RPS6KA6: variants seen among roughly 807,000 people sequenced by gnomAD.
The protein encoded by RPS6KA6 is ribosomal protein S6 kinase alpha-6.
Under a neutral mutation model 65.4 loss-of-function variants are expected in RPS6KA6, and 27 were observed. The observed-to-expected ratio is 0.41, with a 90% CI of 0.30 to 0.57. The LOEUF is 0.57. RPS6KA6 is among the 20% of genes least tolerant of loss of function. The pLI is 0.24. For synonymous variants in RPS6KA6, 190 were observed against 184.2 expected (o/e 1.03, Z -0.26); for missense variants, 486 against 555.6 (o/e 0.87, Z 1.26).
intron 1 of RPS6KA6, chrX:84,186,030 G>T: frequency 7.8e-6 from 4 of 510,016 alleles, no homozygotes; most frequent in Non-Finnish European, 1.4e-5. Context: ...TTTAGAGAAA[G>T]AAGGCAGAAA....
At chrX:84,149,737 A>G (rs1406576606) in intron 3 of RPS6KA6, among the ~76,000 whole-genome samples, 4 of 111,633 alleles carry the variant, frequency 3.6e-5, no homozygotes, top group African/African-American at 1.3e-4. Context: ...TTTATAGAGC[A>G]TAGGCATAGT....
intron 9 of RPS6KA6, among the ~76,000 whole-genome samples, chrX:84,119,184 T>C (rs2034623031): frequency 8.9e-6 from 1 of 111,839 alleles, no homozygotes; most frequent in Admixed American, 9.5e-5. Flanking sequence ...ATATTTTACT[T>C]AGAATCAGTT....
At chrX:84,086,449 C>A (rs1489280200) in intron 20 of RPS6KA6, among the ~76,000 whole-genome samples, 1 of 111,494 alleles carries the variant, frequency 9.0e-6, no homozygotes, top group Non-Finnish European at 1.9e-5. Context: ...CTTCAATTTC[C>A]GTGTAGTTGT....
rs527381230 is a variant in RPS6KA6 at position 84,085,628 on chromosome X, A to C, written c.1971+10566T>G. Among the ~76,000 whole-genome samples the C allele has an allele frequency of 3.6e-5, 4 of 111,342 alleles. No individual in the cohort carries two copies. The South Asian group carries it at 1.5e-3, about 42-fold the overall frequency. ...TGTTGATGTTCAACAGGGATACTGA[A>C]CTGGAGTTATTTGTTGTTGTTACAT... On this transcript the variant is annotated intron_variant, in intron 20 of 21. Transcript: ENST00000262752.
intron 1 of RPS6KA6, among the ~76,000 whole-genome samples, chrX:84,164,964 T>A (rs773662445): frequency 9.0e-6 from 1 of 111,497 alleles, no homozygotes; most frequent in Non-Finnish European, 1.9e-5. Flanking sequence ...AACAGTAAAG[T>A]AGAAGACTTA....
Position 84,064,208 on chromosome X carries a change from T to C in RPS6KA6, c.*69A>G. The C allele has an allele frequency of 8.9e-7, 1 of 1,123,689 alleles. No homozygotes were observed. The highest frequency in any genetic ancestry group is 1.2e-6 in the Non-Finnish European group (1 of 835,958). 92.6% of individuals were successfully genotyped at this position (1,123,689 alleles called of 1,213,427 possible). ...ATTTAGCAGACAACGATGCCTTTGA[T>C]AAGAATAGGAAAAAAGCCACACATT... is the stretch of plus-strand genomic sequence containing the variant. On this transcript the variant is annotated 3_prime_UTR_variant, in exon 22 of 22. Coordinates refer to ENST00000262752, the MANE Select transcript of RPS6KA6 (RefSeq NM_014496.5).
At chrX:84,098,862 T>G (rs778108831) in intron 18 of RPS6KA6, among the ~76,000 whole-genome samples, 10 of 111,587 alleles carry the variant, frequency 9.0e-5, no homozygotes, top group African/African-American at 3.2e-5. Flanking sequence ...AATTGGCTTA[T>G]TTAAATAATA....
At chrX:84,168,288 T>G (rs756295824) in intron 1 of RPS6KA6, among the ~76,000 whole-genome samples, 20 of 111,844 alleles carry the variant, frequency 1.8e-4, no homozygotes, top group Non-Finnish European at 3.4e-4. Context: ...CTAACATGAT[T>G]CACGTTTACT....
At chrX:84,108,958 C>A (rs1410743409) in intron 12 of RPS6KA6, among the ~76,000 whole-genome samples, 3 of 112,154 alleles carry the variant, frequency 2.7e-5, no homozygotes, top group Non-Finnish European at 5.6e-5. Context: ...CCTGCCCTTA[C>A]ATGTATATAC....
At chrX:84,104,088 C>T (rs989876272) in intron 17 of RPS6KA6, among the ~76,000 whole-genome samples, 1 of 110,535 alleles carries the variant, frequency 9.0e-6, no homozygotes, top group Non-Finnish European at 1.9e-5. Flanking sequence ...GTTTAGAATA[C>T]ACATTTCTTA....
At chrX:84,074,707 C>T (rs2033622406) in intron 20 of RPS6KA6, among the ~76,000 whole-genome samples, 1 of 110,708 alleles carries the variant, frequency 9.0e-6, no homozygotes, top group Non-Finnish European at 1.9e-5. Context: ...AAATAGAATA[C>T]TTATAGGAAT....
intron 1 of RPS6KA6, among the ~76,000 whole-genome samples, chrX:84,177,568 T>C (rs1482148854): frequency 8.9e-6 from 1 of 111,736 alleles, no homozygotes; most frequent in Non-Finnish European, 1.9e-5. Context: ...AACCCAACTG[T>C]TTATATTTCC....
At chrX:84,069,021 T>C (rs764022254) in intron 20 of RPS6KA6, among the ~76,000 whole-genome samples, 2 of 111,999 alleles carry the variant, frequency 1.8e-5, no homozygotes, top group Non-Finnish European at 3.8e-5. Flanking sequence ...GTTATCCCCA[T>C]CAAGCTACCA....
In RPS6KA6 at chrX:84,096,259, G is replaced by A. The variant is rs200841626; in HGVS notation, c.1906C>T (p.Arg636Cys). Residue 636 changes from arginine (R) to cysteine (C), a missense_variant, in exon 20 of 22, where the codon CGT becomes TGT. By Grantham distance (180) the Arg-to-Cys change is radical. Transcript: ENST00000262752. ...PNDTPEEILL[R>C]IGNGKFSLSG... The stretch of plus-strand genomic sequence containing the variant: ...AAAGAGAATTTTCCATTGCCTATAC[G>A]CAGCAGTATCTCTTCAGGAGTATCA... 105 of 1,196,088 alleles carry A rather than the reference G, an allele frequency of 8.8e-5. No individual in the cohort carries two copies. The highest frequency in any genetic ancestry group is 4.5e-6 in the Non-Finnish European group (4 of 885,547).
intron 3 of RPS6KA6, among the ~76,000 whole-genome samples, chrX:84,151,055 GAT>G (rs1010259256): frequency 1.1e-5 from 1 of 94,860 alleles, no homozygotes; most frequent in Non-Finnish European, 2.1e-5. Flanking sequence ...ATAGAGGATA[GAT>G]ATATAGAGGA....
chrX:84,138,370 T>C (rs2035031303), intron 6 of RPS6KA6, among the ~76,000 whole-genome samples: 1 of 108,110 alleles, frequency 9.2e-6, no homozygotes, highest in Non-Finnish European at 1.9e-5. Flanking sequence ...CTAGGCAACA[T>C]AGCAAGATCC....
chrX:84,172,107 G>A (rs2035693454), intron 1 of RPS6KA6, among the ~76,000 whole-genome samples: 1 of 111,886 alleles, frequency 8.9e-6, no homozygotes. Context: ...TTAGTTCCAA[G>A]TGTTTGCTGC....
intron 20 of RPS6KA6, among the ~76,000 whole-genome samples, chrX:84,078,559 TG>T (rs2033711394): frequency 8.9e-6 from 1 of 112,031 alleles, no homozygotes; most frequent in African/African-American, 3.2e-5. Context: ...GGTGAACAGA[TG>T]AACAATGATG....
rs1280681459 is a variant in RPS6KA6, at chrX:84,061,430, T to C, written c.*2847A>G. ...TATTATATTGAATTACCAATGACAA[T>C]AAATTACAAAAAACACTGTTTTAGA... On this transcript the variant is annotated 3_prime_UTR_variant, in exon 22 of 22. Transcript: ENST00000262752. 1 of 111,695 alleles carries C rather than the reference T, an allele frequency of 9.0e-6. No individual in the cohort carries two copies. Among genetic ancestry groups the C allele is most frequent in the East Asian group, 2.8e-4 (1 of 3,551 alleles). The allele number at this position is 111,695 out of a possible 1,213,427, so 9.2% of individuals were successfully genotyped here.
Sources: gnomAD v4.1 joint callset for allele counts (sites outside exome capture counted in the v4.1 genomes callset) on GRCh38, gnomAD v4.1.1 for gene constraint, MANE v1.5 for transcripts, NCBI Gene and HGNC (gene_info 2026-07-23, HGNC 2026-07-21) for gene names.